Variants in SYNGR3 observed in about 807,000 individuals in gnomAD.
SYNGR3 encodes the protein synaptogyrin-3.
A neutral mutation model predicts 18.5 loss-of-function variants in SYNGR3; 10 were observed. The ratio of observed to expected loss-of-function variants is 0.54; its 90% confidence interval spans 0.33 to 0.92. The LOEUF is 0.92. Ranked by LOEUF, SYNGR3 falls within the 40% of genes least tolerant of loss-of-function variation. The pLI, the probability that SYNGR3 is intolerant of heterozygous loss-of-function variation, is 0.02. For synonymous variants in SYNGR3, 188 were observed against 157.2 expected (o/e 1.20, Z -1.47); for missense variants, 335 against 332.8 (o/e 1.01, Z -0.05).
chr16:1,992,245 C>A, intron 2 of SYNGR3, 34 bp downstream of exon 2: 1 of 191,302 alleles, frequency 5.2e-6, no homozygotes, highest in South Asian at 1.5e-4. Flanking sequence ...CGCGGAGAGC[C>A]TTCCGGGTGG....
chr16:1,992,526 G>T lies in SYNGR3; in HGVS notation c.338-110G>T, dbSNP rs563432817. On this transcript the variant is annotated intron_variant, in intron 2 of 3. Coordinates refer to ENST00000248121, the MANE Select transcript of SYNGR3 (RefSeq NM_004209.6). ...GGCGGGACCTCGCGCCACGCGGCGA[G>T]CCCAGGCGAGGCGCCCCAAGCCTCG... 91 of 1,371,548 alleles carry T rather than the reference G, an allele frequency of 6.6e-5. No homozygotes were observed. The South Asian group carries it at 1.0e-3, about 15-fold the overall frequency. The allele number at this position is 1,371,548 out of a possible 1,614,324, so 85.0% of individuals were successfully genotyped here. A position where few individuals can be genotyped will look rare whatever the true frequency, so the allele number is the denominator to read the frequency against.
rs1032885470 is a variant in SYNGR3, at chr16:1,993,254, C to G, written c.*182C>G. ...CTGGGCTGCCCCTGCCAAGTTCCCC[C>G]AGTCCCTCAGCACCTGGCCCCAGGA... On this transcript the variant is annotated 3_prime_UTR_variant, in exon 4 of 4. Transcript: ENST00000248121. The G allele has an allele frequency of 1.4e-6, 1 of 712,032 alleles. No individual in the cohort carries two copies. Among genetic ancestry groups the G allele is most frequent in the Non-Finnish European group, 2.3e-6 (1 of 430,154 alleles). The allele number at this position is 712,032 out of a possible 1,614,324, so 44.1% of individuals were successfully genotyped here.
rs370896197 is a variant in SYNGR3 at position 1,993,034 on chromosome 16, G to A, written c.652G>A (p.Asp218Asn). 2 of 1,611,802 alleles carry A rather than the reference G, an allele frequency of 1.2e-6. No individual in the cohort carries two copies. The highest frequency in any genetic ancestry group is 1.3e-5 in the African/African-American group (1 of 74,862). The change falls in exon 4 of 4, where the codon GAC becomes AAC. Residue 218 changes from aspartate to asparagine, a missense_variant. Physicochemically the swap from Asp to Asn is conservative, Grantham distance 23. Transcript: ENST00000248121. Reference sequence around the variant, plus strand: ...GAGCCCGCCCTTCACCGAGACCCTGGACACCAGCCCCAAAGGGTACCAGGT... The same window carrying A: ...GAGCCCGCCCTTCACCGAGACCCTGAACACCAGCCCCAAAGGGTACCAGGT... ...YQSPPFTETL[D>N]TSPKGYQVPA... is the part of the protein sequence containing the mutation.
At chr16:1,992,254 GGGCGGGGAGGGGGCGGGGCC>G in intron 2 of SYNGR3, 43 bp downstream of exon 2, 1 of 910,474 alleles carries the variant, frequency 1.1e-6, no homozygotes, top group Non-Finnish European at 1.5e-6. Flanking sequence ...CCTTCCGGGT[GGGCGGGGAGGGGGCGGGGCC>G]TGGGCGGGGA....
chr16:1,991,214 C>T (rs1283405247), intron 1 of SYNGR3: 1 of 152,452 alleles, frequency 6.6e-6, no homozygotes, highest in Middle Eastern at 3.4e-3. Context: ...GACGGAACCT[C>T]AGAGGTCAAC....
Position 1,993,900 on chromosome 16 carries a change from T to C in SYNGR3, c.*828T>C. Reference sequence around the variant, plus strand: ...ACAAGATGGCCCCTGTGTGGTTCCCTTTACCTTGGCTTCCTGGCCCAGTCC... The same window carrying C: ...ACAAGATGGCCCCTGTGTGGTTCCCCTTACCTTGGCTTCCTGGCCCAGTCC... On this transcript the variant is annotated 3_prime_UTR_variant, in exon 4 of 4. Coordinates refer to ENST00000248121, the MANE Select transcript of SYNGR3 (RefSeq NM_004209.6). The C allele has an allele frequency of 3.6e-6, 1 of 280,400 alleles. No homozygotes were observed. Among genetic ancestry groups the C allele is most frequent in the Non-Finnish European group, 7.1e-6 (1 of 139,976 alleles). 17.4% of individuals were successfully genotyped at this position (280,400 alleles called of 1,614,324 possible). A position where few individuals can be genotyped will look rare whatever the true frequency, so the allele number is the denominator to read the frequency against.
Position 1,990,211 on chromosome 16 carries a change from C to T in SYNGR3, c.99+10C>T. 1 of 1,266,198 alleles carries T rather than the reference C, an allele frequency of 7.9e-7. No homozygotes were observed. Among genetic ancestry groups the T allele is most frequent in the Non-Finnish European group, 1.0e-6 (1 of 1,001,894 alleles). 78.4% of individuals were successfully genotyped at this position (1,266,198 alleles called of 1,614,324 possible). The stretch of plus-strand genomic sequence containing the variant: ...CCGGGTCGCGTCCTGGGTGAGTGGT[C>T]CCTGCCCGGGCCCCCGCTCCCGCCC... On this transcript the variant is annotated intron_variant, in intron 1 of 3. Coordinates refer to ENST00000248121, the MANE Select transcript of SYNGR3 (RefSeq NM_004209.6).
intron 2 of SYNGR3, 21 bp from the exon 3 acceptor site, chr16:1,992,615 G>C (rs1412190794): frequency 1.3e-6 from 2 of 1,584,648 alleles, no homozygotes; most frequent in South Asian, 1.1e-5. Context: ...GCGTCGCCCT[G>C]ACGCGCCGCA....
Position 1,993,843 on chromosome 16 carries a change from G to T in SYNGR3, c.*771G>T, listed in dbSNP as rs1343244900. 6.1e-6 allele frequency: 2 copies of T among 329,060 alleles called. No homozygotes were observed. The highest frequency in any genetic ancestry group is 6.0e-6 in the Non-Finnish European group (1 of 166,046). The allele number at this position is 329,060 out of a possible 1,614,324, so 20.4% of individuals were successfully genotyped here. On this transcript the variant is annotated 3_prime_UTR_variant, in exon 4 of 4. Coordinates refer to ENST00000248121, the MANE Select transcript of SYNGR3 (RefSeq NM_004209.6). ...AAGACAAGCCCCTCAGCAGGAGAGAGGCCCAGAGGCTCCAGCTGGCCACCG... is the reference window on the plus strand; with the variant it reads ...AAGACAAGCCCCTCAGCAGGAGAGATGCCCAGAGGCTCCAGCTGGCCACCG...
rs1413105940 is a variant in SYNGR3, at chr16:1,993,105, C to T, written c.*33C>T. The stretch of plus-strand genomic sequence containing the variant: ...CAGGCACAGACCAGGGCTCCAAGGC[C>T]ACCCCACCAACGCAGGCCCCAGGGT... On this transcript the variant is annotated 3_prime_UTR_variant, in exon 4 of 4. Transcript: ENST00000248121. 1 of 1,586,822 alleles carries T rather than the reference C, an allele frequency of 6.3e-7. No homozygotes were observed. The highest frequency in any genetic ancestry group is 1.1e-5 in the South Asian group (1 of 87,730).
rs1213854051 is a variant in SYNGR3 at position 1,993,920 on chromosome 16, C to T, written c.*848C>T. ...TTCCCTTTACCTTGGCTTCCTGGCC[C>T]AGTCCCTGCCTCTCCACCTGCACCC... On this transcript the variant is annotated 3_prime_UTR_variant, in exon 4 of 4. Coordinates refer to ENST00000248121, the MANE Select transcript of SYNGR3 (RefSeq NM_004209.6). 3.8e-6 allele frequency: 1 copy of T among 263,414 alleles called. No individual in the cohort carries two copies. Among genetic ancestry groups the T allele is most frequent in the Non-Finnish European group, 7.6e-6 (1 of 131,378 alleles). 16.3% of individuals were successfully genotyped at this position (263,414 alleles called of 1,614,324 possible). A position where few individuals can be genotyped will look rare whatever the true frequency, so the allele number is the denominator to read the frequency against.
At chr16:1,992,561 A>G in intron 2 of SYNGR3, 75 bp from the exon 3 acceptor site, 9 of 1,528,360 alleles carry the variant, frequency 5.9e-6, no homozygotes, top group Non-Finnish European at 7.9e-6. Context: ...GGGCCCACCG[A>G]CCTTTCCTCC....
In SYNGR3 at chr16:1,992,897, G is replaced by A. The variant is rs779505285; in HGVS notation, c.515G>A (p.Arg172His). The A allele has an allele frequency of 1.9e-6, 3 of 1,602,888 alleles. No homozygotes were observed. The highest frequency in any genetic ancestry group is 1.3e-5 in the African/African-American group (1 of 74,696). ...ALTVKALQRF[R>H]LGTDMSLFAT... Reference sequence around the variant, plus strand: ...ACCGTGAAGGCCCTGCAGCGGTTCCGCCTGGGCACCGACATGTCACTCTTC... The same window carrying A: ...ACCGTGAAGGCCCTGCAGCGGTTCCACCTGGGCACCGACATGTCACTCTTC... Residue 172 changes from arginine to histidine, a missense_variant, in exon 4 of 4, where the codon CGC becomes CAC. Arg to His is a conservative substitution (Grantham distance 29, BLOSUM62 0). Transcript: ENST00000248121.
chr16:1,992,518 C>A (rs1269405801), intron 2 of SYNGR3, 118 bp from the exon 3 acceptor site: 2 of 1,330,360 alleles, frequency 1.5e-6, no homozygotes, highest in Admixed American at 3.4e-5. Flanking sequence ...CCTCGCGCCA[C>A]GCGGCGAGCC....
rs1406526425 is a variant in SYNGR3 at position 1,993,117 on chromosome 16, G to T, written c.*45G>T. ...AGGGCTCCAAGGCCACCCCACCAACGCAGGCCCCAGGGTCTCCGGGACCTC... is the reference window on the plus strand; with the variant it reads ...AGGGCTCCAAGGCCACCCCACCAACTCAGGCCCCAGGGTCTCCGGGACCTC... On this transcript the variant is annotated 3_prime_UTR_variant, in exon 4 of 4. Coordinates refer to ENST00000248121, the MANE Select transcript of SYNGR3 (RefSeq NM_004209.6). 7 of 1,569,124 alleles carry T rather than the reference G, an allele frequency of 4.5e-6. No individual in the cohort carries two copies. Among genetic ancestry groups the T allele is most frequent in the Non-Finnish European group, 6.0e-6 (7 of 1,158,650 alleles).
Position 1,993,165 on chromosome 16 carries a change from GC to G in SYNGR3, c.*95del. 1.4e-6 allele frequency: 2 copies of G among 1,449,682 alleles called. 1 individual carries two copies. Among genetic ancestry groups the G allele is most frequent in the South Asian group, 2.5e-5 (2 of 80,908 alleles). The allele number at this position is 1,449,682 out of a possible 1,614,324, so 89.8% of individuals were successfully genotyped here. ...CTCCCTTGGGTCCTTCCAGCTCAGTGCCGCGGACAGAGTAGGTGGCCGCTTT... is the reference window on the plus strand; with the variant it reads ...CTCCCTTGGGTCCTTCCAGCTCAGTGCGCGGACAGAGTAGGTGGCCGCTTT... On this transcript the variant is annotated 3_prime_UTR_variant, in exon 4 of 4. Coordinates refer to ENST00000248121, the MANE Select transcript of SYNGR3 (RefSeq NM_004209.6).
chr16:1,993,473 C>T lies in SYNGR3; in HGVS notation c.*401C>T, dbSNP rs1209924361. ...GCAGGGGAAAGACACCACCCTCGCC[C>T]CAAGACTGGGGATCCTGGCCACTGT... On this transcript the variant is annotated 3_prime_UTR_variant, in exon 4 of 4. Coordinates refer to ENST00000248121, the MANE Select transcript of SYNGR3 (RefSeq NM_004209.6). 2 of 487,312 alleles carry T rather than the reference C, an allele frequency of 4.1e-6. No individual in the cohort carries two copies. Among genetic ancestry groups the T allele is most frequent in the South Asian group, 3.1e-5 (2 of 64,858 alleles). The allele number at this position is 487,312 out of a possible 1,614,324, so 30.2% of individuals were successfully genotyped here.
Position 1,992,751 on chromosome 16 carries a change from C to T in SYNGR3, c.453C>T (p.Ala151=), listed in dbSNP as rs1004265882. The change falls in exon 3 of 4, where the codon GCC becomes GCT. Residue 151 remains alanine, a synonymous_variant. Transcript: ENST00000248121. ...QAGDAARAAI[A]FSFFSILSWV... is the part of the protein sequence containing the mutation. The stretch of plus-strand genomic sequence containing the variant: ...GGGACGCGGCGCGGGCCGCCATCGC[C>T]TTCAGCTTCTTCTCCATCCTCAGCT... The T allele has an allele frequency of 1.3e-6, 2 of 1,578,492 alleles. No homozygotes were observed. The highest frequency in any genetic ancestry group is 1.7e-6 in the Non-Finnish European group (2 of 1,166,184).
Position 1,993,345 on chromosome 16 carries a change from TG to T in SYNGR3, c.*277del. On this transcript the variant is annotated 3_prime_UTR_variant, in exon 4 of 4. Transcript: ENST00000248121. ...GTCCCTAGCCTGGAATGGACTGGCC[TG>T]GGGAAGGCTTTCCCCTCTTGGGCCA... 1 of 629,602 alleles carries T rather than the reference TG, an allele frequency of 1.6e-6. No homozygotes were observed. Among genetic ancestry groups the T allele is most frequent in the East Asian group, 3.0e-5 (1 of 33,622 alleles). The allele number at this position is 629,602 out of a possible 1,614,324, so 39.0% of individuals were successfully genotyped here.
Sources: gnomAD v4.1 joint callset for allele counts on GRCh38, gnomAD v4.1.1 for gene constraint, MANE v1.5 for transcripts, NCBI Gene and HGNC (gene_info 2026-07-23, HGNC 2026-07-21) for gene names.